MCF2L2: variants seen among roughly 807,000 people sequenced by gnomAD.
MCF2L2 encodes probable guanine nucleotide exchange factor MCF2L2.
MCF2L2 carries 102 observed loss-of-function variants against 150.2 expected under a neutral mutation model. The ratio of observed to expected loss-of-function variants is 0.68; its 90% confidence interval spans 0.58 to 0.80. The LOEUF (loss-of-function observed/expected upper bound fraction) is 0.80, where lower values mean the gene tolerates loss of function less well. Among genes scored for constraint, MCF2L2 ranks in the 30% least tolerant of loss-of-function variants. The probability of loss-of-function intolerance (pLI) is 0.00; values close to 1 mark genes in which losing one functional copy is unlikely to be tolerated. For missense variants in MCF2L2, 1,256 were observed against 1,372.8 expected (o/e 0.91, Z 1.34); for synonymous variants, 465 against 491.3 (o/e 0.95, Z 0.71).
In MCF2L2 at chr3:183,289,223, AAG is replaced by A. The variant is rs1186144513; in HGVS notation, c.1676-5_1676-4del. 1 of 1,592,592 alleles carries A rather than the reference AAG, an allele frequency of 6.3e-7. No homozygotes were observed. The highest frequency in any genetic ancestry group is 8.6e-7 in the Non-Finnish European group (1 of 1,161,006). On this transcript the variant is annotated splice_region_variant and splice_polypyrimidine_tract_variant and intron_variant, in intron 13 of 29. Coordinates refer to ENST00000328913, the MANE Select transcript of MCF2L2 (RefSeq NM_015078.4). ...TCTCAGAGGACGAGCTAGAGGGACT[AAG>A]AGAACCTGCCATTAGTGTGGTTATT...
intron 11 of MCF2L2, 24 bp downstream of exon 11, chr3:183,299,981 T>A: frequency 6.2e-7 from 1 of 1,601,952 alleles, no homozygotes; most frequent in Non-Finnish European, 8.5e-7. Context: ...GCAGACATCA[T>A]GTTCTTGGCT....
chr3:183,259,016 A>G (rs1725341438), intron 15 of MCF2L2, among the ~76,000 whole-genome samples: 1 of 152,254 alleles, frequency 6.6e-6, no homozygotes, highest in Non-Finnish European at 1.5e-5. Flanking sequence ...TTCAGTACAG[A>G]CACGACCATA....
intron 7 of MCF2L2, among the ~76,000 whole-genome samples, chr3:183,312,253 C>T (rs1460287957): frequency 6.6e-6 from 1 of 152,138 alleles, no homozygotes; most frequent in East Asian, 1.9e-4. Context: ...CCAACTATGG[C>T]CTTGTTTAAT....
intron 22 of MCF2L2, among the ~76,000 whole-genome samples, chr3:183,212,230 G>T (rs7635891): frequency 0.9 from 136,220 of 152,184 alleles, 61,277 homozygotes; most frequent in East Asian, 1. Flanking sequence ...ACGTCTAGCC[G>T]TCAAAACTGT....
At chr3:183,394,459 C>T (rs1714332336) in intron 1 of MCF2L2, among the ~76,000 whole-genome samples, 1 of 152,236 alleles carries the variant, frequency 6.6e-6, no homozygotes. Flanking sequence ...AAACTCTGGA[C>T]CAGAGGCTCA....
chr3:183,350,359 A>G (rs1326245108), intron 3 of MCF2L2, among the ~76,000 whole-genome samples: 2 of 152,038 alleles, frequency 1.3e-5, no homozygotes, highest in African/African-American at 2.4e-5. Flanking sequence ...CGTCAACTAA[A>G]CCAAATGCAC....
In MCF2L2 at chr3:183,267,393, G is replaced by A. The variant is rs1031183933; in HGVS notation, c.1862+9479C>T. 1.1e-4 allele frequency among the ~76,000 whole-genome samples: 17 copies of A among 152,252 alleles called. No homozygotes were observed. Among genetic ancestry groups the A allele is most frequent in the Non-Finnish European group, 2.4e-4 (16 of 68,046 alleles). ...ACCTGGCCTTTGCCTCCACCCTGAT[G>A]TGGAGTGATCATGGGGGTGGGAAAT... On this transcript the variant is annotated intron_variant, in intron 15 of 29. Transcript: ENST00000328913. This position sits in a 1 kb window ranked among gnomAD's most constrained non-coding sequence, Gnocchi z 5.5.
At chr3:183,342,275 G>C (rs1424206991) in intron 3 of MCF2L2, among the ~76,000 whole-genome samples, 1 of 152,076 alleles carries the variant, frequency 6.6e-6, no homozygotes, top group East Asian at 1.9e-4. Flanking sequence ...CTCTCCTTTG[G>C]GAAGAAGCAC....
At position 183,283,099 on chromosome 3, in the gene MCF2L2, T is replaced by C. The variant is rs975119598; in HGVS notation, c.1776+6021A>G. On this transcript the variant is annotated intron_variant, in intron 14 of 29. Coordinates refer to ENST00000328913, the MANE Select transcript of MCF2L2 (RefSeq NM_015078.4). The surrounding 1 kb of genome is among the most constrained non-coding windows in gnomAD (Gnocchi z 4.2). The stretch of plus-strand genomic sequence containing the variant: ...GGTATCATGCTTCCTCCCCCTACCT[T>C]CTCTGCCTTGATCCCCTCCTTCATT... Among the ~76,000 whole-genome samples, 3 of 152,194 alleles carry C rather than the reference T, an allele frequency of 2.0e-5. No individual in the cohort carries two copies. Among genetic ancestry groups the C allele is most frequent in the African/African-American group, 7.2e-5 (3 of 41,454 alleles).
rs1722726709 is a variant in MCF2L2 at position 183,211,623 on chromosome 3, C to T, written c.2497-3800G>A. ...ATTCCCTGAGCAGGAGCAAGAATGACCTTTTCCGTCACGTGTACCTTTTCT... is the reference window on the plus strand; with the variant it reads ...ATTCCCTGAGCAGGAGCAAGAATGATCTTTTCCGTCACGTGTACCTTTTCT... On this transcript the variant is annotated intron_variant, in intron 22 of 29. Transcript: ENST00000328913. 2.0e-5 allele frequency among the ~76,000 whole-genome samples: 3 copies of T among 152,232 alleles called. No homozygotes were observed. The East Asian group carries it at 5.8e-4, about 29-fold the overall frequency.
chr3:183,323,476 G>T, intron 5 of MCF2L2, 125 bp from the exon 6 acceptor site: 1 of 377,872 alleles, frequency 2.6e-6, no homozygotes, highest in Non-Finnish European at 4.6e-6. Flanking sequence ...CTCCAACTTT[G>T]CTTTATCAGG....
chr3:183,239,192 G>C (rs62293312), intron 15 of MCF2L2, among the ~76,000 whole-genome samples: 2 of 152,136 alleles, frequency 1.3e-5, no homozygotes, highest in African/African-American at 4.8e-5. Flanking sequence ...ACCAAAGGGA[G>C]CTTAGGATGC....
At chr3:183,299,816 T>C in intron 11 of MCF2L2, 189 bp downstream of exon 11, 1 of 586,964 alleles carries the variant, frequency 1.7e-6, no homozygotes. Context: ...GCCAGAGCAC[T>C]TTTTACCTTC....
At chr3:183,224,315 A>G in intron 18 of MCF2L2, 125 bp from the exon 19 acceptor site, 1 of 640,612 alleles carries the variant, frequency 1.6e-6, no homozygotes, top group Non-Finnish European at 2.8e-6. Context: ...TTGGGGGTGT[A>G]CAGTAAGTAA....
chr3:183,220,976 C>T (rs1723128565), intron 20 of MCF2L2, among the ~76,000 whole-genome samples: 1 of 152,178 alleles, frequency 6.6e-6, no homozygotes, highest in African/African-American at 2.4e-5. Flanking sequence ...ACTCATCACC[C>T]TCTCCCCAAG....
At chr3:183,241,988 G>A (rs1576951713) in intron 15 of MCF2L2, among the ~76,000 whole-genome samples, 1 of 152,178 alleles carries the variant, frequency 6.6e-6, no homozygotes, top group South Asian at 2.1e-4. Context: ...AAAGAGCCTG[G>A]CAGCATTTTG....
At chr3:183,192,738 A>C in intron 27 of MCF2L2, 1 of 374,376 alleles carries the variant, frequency 2.7e-6, no homozygotes, top group East Asian at 4.3e-5. Flanking sequence ...AAAACCTGGA[A>C]AGTGAAACAG....
intron 15 of MCF2L2, among the ~76,000 whole-genome samples, chr3:183,268,588 GT>G (rs1392199912): frequency 6.6e-6 from 1 of 152,154 alleles, no homozygotes; most frequent in Non-Finnish European, 1.5e-5. Flanking sequence ...GGAACAGCAG[GT>G]TTTAGGGGAG....
intron 15 of MCF2L2, among the ~76,000 whole-genome samples, chr3:183,262,922 G>A (rs1266058222): frequency 4.6e-5 from 7 of 152,086 alleles, no homozygotes; most frequent in Admixed American, 4.6e-4. Flanking sequence ...ACAGGAAGAT[G>A]GGAGGGCGCT....
Sources: gnomAD v4.1 joint callset for allele counts (sites outside exome capture counted in the v4.1 genomes callset) on GRCh38, gnomAD v4.1.1 for gene constraint, Gnocchi (gnomAD v3.1) non-coding constraint, MANE v1.5 for transcripts, NCBI Gene and HGNC (gene_info 2026-07-23, HGNC 2026-07-21) for gene names.